Variants in ZPLD1 observed in about 807,000 individuals in gnomAD.
The protein encoded by ZPLD1 is zona pellucida-like domain-containing protein 1.
Under a neutral mutation model 47.2 loss-of-function variants are expected in ZPLD1, and 34 were observed. That is an observed-to-expected ratio of 0.72 (90% CI 0.55 to 0.96). The LOEUF is 0.96. Among genes scored for constraint, ZPLD1 ranks in the 40% least tolerant of loss-of-function variants. ZPLD1 has a pLI of 0.00. For missense variants in ZPLD1, 512 were observed against 505.8 expected (o/e 1.01, Z -0.12); for synonymous variants, 176 against 186.2 (o/e 0.95, Z 0.45).
chr3:102,407,801 T>C (rs748826664), intron 7 of ZPLD1, among the ~76,000 whole-genome samples: 19 of 151,718 alleles, frequency 1.3e-4, no homozygotes, highest in Admixed American at 4.6e-4. Context: ...ATAAGGGTTC[T>C]GGAACAGAGC....
At chr3:102,410,688 C>A (rs541301024) in intron 7 of ZPLD1, among the ~76,000 whole-genome samples, 86 of 151,766 alleles carry the variant, frequency 5.7e-4, no homozygotes, top group Non-Finnish European at 9.1e-4. Context: ...TTTATTCCCC[C>A]CTCTATTAAG....
chr3:102,405,916 A>G (rs976081428), intron 7 of ZPLD1, among the ~76,000 whole-genome samples: 8 of 151,992 alleles, frequency 5.3e-5, no homozygotes, highest in African/African-American at 1.9e-4. Flanking sequence ...GTTGGGCTGT[A>G]TGCTTCCCGA....
intron 6 of ZPLD1, among the ~76,000 whole-genome samples, chr3:102,386,035 G>C (rs1404021856): frequency 6.6e-6 from 1 of 152,042 alleles, no homozygotes; most frequent in Admixed American, 6.5e-5. Flanking sequence ...TGTGTTGATT[G>C]TTATGTTTTT....
At position 102,464,058 on chromosome 3, in the gene ZPLD1, AAAAG is replaced by A. The variant is rs555898378; in HGVS notation, c.681-102_681-99del. On this transcript the variant is annotated intron_variant, in intron 7 of 11. Coordinates refer to ENST00000466937, the MANE Select transcript of ZPLD1 (RefSeq NM_001329788.2). The stretch of plus-strand genomic sequence containing the variant: ...GAACAAGACTCCGTCTCAAAAAAAG[AAAAG>A]AAAGAAAGAAGGAAAAAGAAGTTTC... 2,347 of 801,408 alleles carry A rather than the reference AAAAG, an allele frequency of 2.9e-3. 6 individuals are homozygous for A. Among genetic ancestry groups the A allele is most frequent in the Non-Finnish European group, 4.1e-3 (1,987 of 488,814 alleles). 49.6% of individuals were successfully genotyped at this position (801,408 alleles called of 1,614,324 possible).
At chr3:102,453,772 C>T (rs535768797) in intron 4 of ZPLD1, among the ~76,000 whole-genome samples, 10 of 152,302 alleles carry the variant, frequency 6.6e-5, no homozygotes, top group African/African-American at 2.4e-4. Flanking sequence ...TCTCTTCAAA[C>T]ATTTCCACCC....
At chr3:102,390,890 C>A (rs1048003450) in intron 6 of ZPLD1, among the ~76,000 whole-genome samples, 4 of 151,938 alleles carry the variant, frequency 2.6e-5, no homozygotes, top group Non-Finnish European at 5.9e-5. Flanking sequence ...TTGGAAAGCA[C>A]CTCAAATAAT....
chr3:102,419,132 G>A (rs1208418890), intron 8 of ZPLD1, among the ~76,000 whole-genome samples: 3 of 151,948 alleles, frequency 2.0e-5, no homozygotes, highest in Non-Finnish European at 4.4e-5. Flanking sequence ...GTTCTAAACT[G>A]TCAGTTTAAA....
intron 8 of ZPLD1, among the ~76,000 whole-genome samples, chr3:102,427,811 C>T (rs1443131578): frequency 6.6e-6 from 1 of 152,142 alleles, no homozygotes; most frequent in Non-Finnish European, 1.5e-5. Context: ...CATGAAGACA[C>T]AAATATCTCC....
intron 8 of ZPLD1, among the ~76,000 whole-genome samples, chr3:102,426,749 T>C (rs1256932005): frequency 6.6e-6 from 1 of 152,184 alleles, no homozygotes; most frequent in Non-Finnish European, 1.5e-5. Flanking sequence ...CTTTTGAGTA[T>C]ATATGCTACT....
At position 102,435,131 on chromosome 3, in the gene ZPLD1, C is replaced by T. The variant is rs758300318; in HGVS notation, c.-146C>T. On this transcript the variant is annotated 5_prime_UTR_variant, in exon 1 of 12. Transcript: ENST00000466937. ...TATGGCAAGATGATGCTCAGGTTTTCCATGTGCAGGGGAAATGATGAAGGT... is the reference window on the plus strand; with the variant it reads ...TATGGCAAGATGATGCTCAGGTTTTTCATGTGCAGGGGAAATGATGAAGGT... The T allele has an allele frequency of 2.1e-5, 34 of 1,614,108 alleles. No individual in the cohort carries two copies. The East Asian group carries it at 7.4e-4, about 35-fold the overall frequency.
At chr3:102,441,512 G>T (rs1316577515) in intron 3 of ZPLD1, among the ~76,000 whole-genome samples, 1 of 152,048 alleles carries the variant, frequency 6.6e-6, no homozygotes, top group Non-Finnish European at 1.5e-5. Context: ...ATTTTCTTGA[G>T]CCAATTATTC....
chr3:102,385,466 A>C (rs754113339), intron 6 of ZPLD1: 1 of 152,234 alleles, frequency 6.6e-6, no homozygotes, highest in Non-Finnish European at 1.5e-5. Context: ...ATTTTCAGGA[A>C]TTCTACAAAA....
At chr3:102,461,277 G>C (rs1362076254) in intron 6 of ZPLD1, among the ~76,000 whole-genome samples, 1 of 151,844 alleles carries the variant, frequency 6.6e-6, no homozygotes, top group Admixed American at 6.6e-5. Flanking sequence ...GGAAACAATT[G>C]GCCTCTGTTA....
At chr3:102,464,470 CTAAG>C (rs1382489623) in intron 8 of ZPLD1, among the ~76,000 whole-genome samples, 1 of 152,092 alleles carries the variant, frequency 6.6e-6, no homozygotes, top group Non-Finnish European at 1.5e-5. Context: ...AATCAGAGTT[CTAAG>C]TAAGTTATGT....
chr3:102,473,783 T>C lies in ZPLD1; in HGVS notation c.1043-3229T>C, dbSNP rs752668904. Among the ~76,000 whole-genome samples, 5 of 152,330 alleles carry C rather than the reference T, an allele frequency of 3.3e-5. No individual in the cohort carries two copies. The South Asian group carries it at 1.0e-3, about 32-fold the overall frequency. On this transcript the variant is annotated intron_variant, in intron 10 of 11. Coordinates refer to ENST00000466937, the MANE Select transcript of ZPLD1 (RefSeq NM_001329788.2). ...GCCATATCCATCCACATGCAAATCCTGTGCAAACTTCATGTTCAACTTCAT... is the reference window on the plus strand; with the variant it reads ...GCCATATCCATCCACATGCAAATCCCGTGCAAACTTCATGTTCAACTTCAT...
chr3:102,421,516 A>G (rs1214366195), intron 8 of ZPLD1, among the ~76,000 whole-genome samples: 1 of 151,914 alleles, frequency 6.6e-6, no homozygotes, highest in Non-Finnish European at 1.5e-5. Flanking sequence ...GTGCTCATGT[A>G]TTTGAATTCT....
intron 6 of ZPLD1, among the ~76,000 whole-genome samples, chr3:102,388,560 C>G (rs2107282433): frequency 6.6e-6 from 1 of 151,962 alleles, no homozygotes; most frequent in East Asian, 1.9e-4. Flanking sequence ...CTCCTCTACT[C>G]CCTAAATTAT....
intron 7 of ZPLD1, among the ~76,000 whole-genome samples, chr3:102,414,019 G>A (rs559235432): frequency 6.6e-6 from 1 of 151,720 alleles, no homozygotes; most frequent in Non-Finnish European, 1.5e-5. Context: ...GAGGAGAGGA[G>A]GCGAGCTGTG....
intron 8 of ZPLD1, among the ~76,000 whole-genome samples, chr3:102,421,280 T>A (rs1706875895): frequency 6.6e-6 from 1 of 151,892 alleles, no homozygotes; most frequent in East Asian, 1.9e-4. Flanking sequence ...ATTACATGAG[T>A]TGTACTTTGA....
Sources: gnomAD v4.1 joint callset for allele counts (sites outside exome capture counted in the v4.1 genomes callset) on GRCh38, gnomAD v4.1.1 for gene constraint, MANE v1.5 for transcripts, NCBI Gene and HGNC (gene_info 2026-07-23, HGNC 2026-07-21) for gene names.